Variants in ARMC8 observed in about 807,000 individuals in gnomAD.
ARMC8 encodes the protein armadillo repeat containing 8.
Under a neutral mutation model 99.3 loss-of-function variants are expected in ARMC8, and 20 were observed. That is an observed-to-expected ratio of 0.20 (90% CI 0.14 to 0.29). The LOEUF (loss-of-function observed/expected upper bound fraction) is 0.29, where lower values mean the gene tolerates loss of function less well. Ranked by LOEUF, ARMC8 falls within the 10% of genes least tolerant of loss-of-function variation. The pLI is 1.00. For missense variants in ARMC8, 569 were observed against 809.5 expected (o/e 0.70, Z 3.60); for synonymous variants, 263 against 278.3 (o/e 0.95, Z 0.55).
chr3:138,194,462 C>T (rs1258682423), intron 1 of ARMC8, among the ~76,000 whole-genome samples: 1 of 151,448 alleles, frequency 6.6e-6, no homozygotes, highest in Non-Finnish European at 1.5e-5. Flanking sequence ...CTCAGCCTCC[C>T]GAGTAGCTGG....
chr3:138,202,998 A>G (rs542189793), intron 1 of ARMC8, among the ~76,000 whole-genome samples: 7 of 152,204 alleles, frequency 4.6e-5, no homozygotes, highest in Non-Finnish European at 1.0e-4. Flanking sequence ...TAAATTCACC[A>G]TAGTCATGGG....
intron 2 of ARMC8, among the ~76,000 whole-genome samples, chr3:138,212,716 A>C (rs1348061823): frequency 2.0e-5 from 3 of 152,172 alleles, no homozygotes; most frequent in Non-Finnish European, 2.9e-5. Context: ...AGTCATCATT[A>C]AGTCACCATT....
intron 5 of ARMC8, among the ~76,000 whole-genome samples, chr3:138,226,244 T>A (rs1011535956): frequency 2.0e-5 from 3 of 152,232 alleles, no homozygotes; most frequent in Non-Finnish European, 2.9e-5. Flanking sequence ...TCCACCCGCC[T>A]CGGCCTCCCA....
chr3:138,234,972 T>C, intron 6 of ARMC8, 62 bp from the exon 7 acceptor site: 1 of 1,332,260 alleles, frequency 7.5e-7, no homozygotes, highest in African/African-American at 1.4e-5. Context: ...TAAGTAAATG[T>C]GGTTTTATTG....
intron 12 of ARMC8, among the ~76,000 whole-genome samples, chr3:138,247,232 T>G (rs557664326): frequency 1.3e-5 from 2 of 152,340 alleles, no homozygotes; most frequent in South Asian, 4.1e-4. Context: ...TTATTTCTTG[T>G]TTACACTTAT....
chr3:138,243,815 T>C (rs959428950), intron 11 of ARMC8, among the ~76,000 whole-genome samples: 1 of 152,204 alleles, frequency 6.6e-6, no homozygotes, highest in African/African-American at 2.4e-5. Context: ...ACCAGTTAGC[T>C]CTTTAGGAAG....
At chr3:138,282,118 G>T (rs375998878) in intron 18 of ARMC8, among the ~76,000 whole-genome samples, 67 of 152,284 alleles carry the variant, frequency 4.4e-4, no homozygotes, top group African/African-American at 1.6e-3. Context: ...CTGCATTTTG[G>T]TTTTGTCTTA....
rs115280863 is a variant in ARMC8 at position 138,202,187 on chromosome 3, C to T, written c.46-7630C>T. 3.6e-3 allele frequency among the ~76,000 whole-genome samples: 543 copies of T among 152,302 alleles called. 4 individuals carry two copies. The highest frequency in any genetic ancestry group is 0.012 in the African/African-American group (518 of 41,572). On this transcript the variant is annotated intron_variant, in intron 1 of 21. Coordinates refer to ENST00000469044, the MANE Select transcript of ARMC8 (RefSeq NM_001363941.2). ...CTTGAAGTTCCTACTAGTTTGTGGA[C>T]TAATTGACATGTTAAATTTTGATTA...
At chr3:138,262,990 G>A (rs1456021314) in intron 12 of ARMC8, among the ~76,000 whole-genome samples, 2 of 152,172 alleles carry the variant, frequency 1.3e-5, no homozygotes. Context: ...AACATGCTTA[G>A]CACAGTGCTT....
In ARMC8 at chr3:138,236,342, T is replaced by C. The variant is rs563011063; in HGVS notation, c.610-967T>C. Reference sequence around the variant, plus strand: ...CACTTGCACATCAAGAAACAATTGTTTGGGTGGCTGTTTATTGTTCCTTTA... The same window carrying C: ...CACTTGCACATCAAGAAACAATTGTCTGGGTGGCTGTTTATTGTTCCTTTA... On this transcript the variant is annotated intron_variant, in intron 7 of 21. Coordinates refer to ENST00000469044, the MANE Select transcript of ARMC8 (RefSeq NM_001363941.2). 1.5e-3 allele frequency among the ~76,000 whole-genome samples: 227 copies of C among 152,292 alleles called. 1 individual carries two copies. The highest frequency in any genetic ancestry group is 5.1e-3 in the African/African-American group (212 of 41,564).
intron 1 of ARMC8, among the ~76,000 whole-genome samples, chr3:138,204,981 A>G (rs1440257015): frequency 6.7e-6 from 1 of 149,476 alleles, no homozygotes; most frequent in Admixed American, 6.7e-5. Flanking sequence ...TGAATTTTTG[A>G]TCTTCCCAGT....
rs74856519 is a variant in ARMC8, at chr3:138,219,674, A to T, written c.123-2252A>T. Among the ~76,000 whole-genome samples the T allele has an allele frequency of 6.8e-3, 1,038 of 152,328 alleles. 9 individuals carry two copies. Among genetic ancestry groups the T allele is most frequent in the African/African-American group, 0.024 (994 of 41,564 alleles). ...AGCAACAATTGAATAGAATTTATTA[A>T]CATCTTTTTTTCCTTATCTAGCACA... On this transcript the variant is annotated intron_variant, in intron 2 of 21. Transcript: ENST00000469044.
chr3:138,239,415 A>G (rs192191819), intron 9 of ARMC8, 53 bp from the exon 10 acceptor site: 1 of 1,347,956 alleles, frequency 7.4e-7, no homozygotes, highest in Non-Finnish European at 1.0e-6. Context: ...ATAATTTTTC[A>G]TTTAAAGCTT....
chr3:138,256,556 G>A (rs1175419641), intron 12 of ARMC8, among the ~76,000 whole-genome samples: 1 of 151,490 alleles, frequency 6.6e-6, no homozygotes, highest in Non-Finnish European at 1.5e-5. Context: ...GACTATAGGC[G>A]CCCGCCACAG....
intron 12 of ARMC8, among the ~76,000 whole-genome samples, chr3:138,256,914 T>C (rs542682805): frequency 2.0e-5 from 3 of 152,274 alleles, no homozygotes; most frequent in East Asian, 1.9e-4. Flanking sequence ...CCTTAAAACA[T>C]AGTGAATAGA....
At position 138,223,393 on chromosome 3, in the gene ARMC8, T is replaced by TTG; in HGVS notation, c.201_202dup (p.Tyr68CysfsTer13). On this transcript the variant is annotated frameshift_variant, in exon 4 of 22. Coordinates refer to ENST00000469044, the MANE Select transcript of ARMC8 (RefSeq NM_001363941.2). LOFTEE classifies it high-confidence loss of function. ...TATTAAGTTCCTTCTTTTTAGATTG[T>TTG]TGTACTTGCTTCAGCAAGAAACCTC... The TTG allele has an allele frequency of 6.2e-7, 1 of 1,613,920 alleles. No homozygotes were observed. The highest frequency in any genetic ancestry group is 8.5e-7 in the Non-Finnish European group (1 of 1,179,946).
At chr3:138,249,176 C>T (rs1393893086) in intron 12 of ARMC8, among the ~76,000 whole-genome samples, 1 of 152,124 alleles carries the variant, frequency 6.6e-6, no homozygotes, top group Non-Finnish European at 1.5e-5. Context: ...TTATTAAGCA[C>T]CCATTATCTT....
At chr3:138,194,670 T>C (rs1229112122) in intron 1 of ARMC8, among the ~76,000 whole-genome samples, 4 of 152,000 alleles carry the variant, frequency 2.6e-5, no homozygotes, top group Admixed American at 6.6e-5. Context: ...AAAATAGCTG[T>C]TAGAACTGTA....
At chr3:138,260,737 T>G (rs2047670391) in intron 12 of ARMC8, among the ~76,000 whole-genome samples, 1 of 152,226 alleles carries the variant, frequency 6.6e-6, no homozygotes, top group Non-Finnish European at 1.5e-5. Context: ...TGATTGAATG[T>G]AGCCAGGAAA....
Sources: gnomAD v4.1 joint callset for allele counts (sites outside exome capture counted in the v4.1 genomes callset) on GRCh38, gnomAD v4.1.1 for gene constraint, MANE v1.5 for transcripts, NCBI Gene and HGNC (gene_info 2026-07-23, HGNC 2026-07-21) for gene names.